Variants in ABHD10 observed in about 807,000 individuals in gnomAD.
ABHD10 encodes the protein palmitoyl-protein thioesterase ABHD10, mitochondrial.
ABHD10 carries 22 observed loss-of-function variants against 33.1 expected under a neutral mutation model. That is an observed-to-expected ratio of 0.66 (90% CI 0.47 to 0.95). ABHD10 has a LOEUF of 0.95. Ranked by LOEUF, ABHD10 falls within the 40% of genes least tolerant of loss-of-function variation. The pLI, the probability that ABHD10 is intolerant of heterozygous loss-of-function variation, is 0.00. For synonymous variants in ABHD10, 146 were observed against 133.9 expected (o/e 1.09, Z -0.62); for missense variants, 352 against 379.9 (o/e 0.93, Z 0.61).
At chr3:111,989,000 ATACT>A (rs886132251) in intron 4 of ABHD10, among the ~76,000 whole-genome samples, 8 of 152,292 alleles carry the variant, frequency 5.3e-5, no homozygotes, top group African/African-American at 7.2e-5. Flanking sequence ...TTTTTTGCTA[ATACT>A]TACTCAGATA....
rs763117664 is a variant in ABHD10, at chr3:111,991,534, A to G, written c.734A>G (p.His245Arg). ...IPVNCPIRLL[H>R]GMKDDIVPWH... is the part of the protein sequence containing the mutation. ...GTGAACTGCCCCATAAGATTGCTCC[A>G]TGGCATGAAGGATGACATTGTACCT... Residue 245 changes from histidine to arginine, a missense_variant, in exon 5 of 5, where the codon CAT becomes CGT. Transcript: ENST00000273359. 1.2e-6 allele frequency: 2 copies of G among 1,614,114 alleles called. No homozygotes were observed. Among genetic ancestry groups the G allele is most frequent in the South Asian group, 1.1e-5 (1 of 91,082 alleles).
At chr3:111,979,260 C>T in intron 1 of ABHD10, 57 bp downstream of exon 1, 8 of 1,541,662 alleles carry the variant, frequency 5.2e-6, no homozygotes, top group Non-Finnish European at 7.0e-6. Context: ...CGGGTTCCGT[C>T]AGTTACCGTG....
intron 1 of ABHD10, among the ~76,000 whole-genome samples, chr3:111,980,012 T>C (rs1206347057): frequency 3.9e-5 from 6 of 152,256 alleles, no homozygotes; most frequent in African/African-American, 1.4e-4. Flanking sequence ...GTATGTCAAT[T>C]CATTAACCAG....
chr3:111,980,648 A>C (rs570502474), intron 1 of ABHD10, among the ~76,000 whole-genome samples: 30 of 152,188 alleles, frequency 2.0e-4, no homozygotes, highest in Non-Finnish European at 4.3e-4. Context: ...GAAAAAGATG[A>C]AGTAGGATAA....
In ABHD10 at chr3:111,981,778, G is replaced by T; in HGVS notation, c.143-6G>T. On this transcript the variant is annotated splice_polypyrimidine_tract_variant and splice_region_variant and intron_variant, in intron 1 of 4. Transcript: ENST00000273359. ...CCATAGTTTACTTTTTGTGTACTTT[G>T]TTTAGCTTGTAGACAAAAGACGTCA... 1 of 1,533,244 alleles carries T rather than the reference G, an allele frequency of 6.5e-7. No homozygotes were observed. Among genetic ancestry groups the T allele is most frequent in the South Asian group, 1.3e-5 (1 of 78,338 alleles). 95.0% of individuals were successfully genotyped at this position (1,533,244 alleles called of 1,614,324 possible).
intron 1 of ABHD10, among the ~76,000 whole-genome samples, chr3:111,979,825 C>T (rs1369583360): frequency 6.6e-6 from 1 of 152,214 alleles, no homozygotes; most frequent in Non-Finnish European, 1.5e-5. Context: ...CACACCATTG[C>T]CACGTAGCTG....
chr3:111,987,863 C>T (rs2072688921), intron 4 of ABHD10, among the ~76,000 whole-genome samples: 1 of 152,136 alleles, frequency 6.6e-6, no homozygotes, highest in Non-Finnish European at 1.5e-5. Context: ...CAGATATTGT[C>T]AGTCAGAGTG....
rs1559934340 is a variant in ABHD10 at position 111,979,079 on chromosome 3, G to C, written c.18G>C (p.Leu6Phe). MAVAR[L>F]AAVAAWVPCR... ...CTACGAAGATGGCGGTTGCGCGCTT[G>C]GCAGCTGTGGCGGCCTGGGTACCTT... Residue 6 changes from leucine (L) to phenylalanine (F), a missense_variant, in exon 1 of 5, where the codon TTG becomes TTC. Transcript: ENST00000273359. 6.2e-7 allele frequency: 1 copy of C among 1,613,312 alleles called. No homozygotes were observed. The highest frequency in any genetic ancestry group is 8.5e-7 in the Non-Finnish European group (1 of 1,179,720).
intron 1 of ABHD10, among the ~76,000 whole-genome samples, chr3:111,979,530 A>C (rs2072552200): frequency 6.6e-6 from 1 of 152,222 alleles, no homozygotes; most frequent in Non-Finnish European, 1.5e-5. Context: ...CATTATTATT[A>C]GTTACTTCTA....
At chr3:111,990,428 C>T (rs2072725267) in intron 4 of ABHD10, among the ~76,000 whole-genome samples, 2 of 151,870 alleles carry the variant, frequency 1.3e-5, no homozygotes, top group South Asian at 2.1e-4. Context: ...AATGGTTTTT[C>T]TCTCCATAAG....
Position 111,979,208 on chromosome 3 carries a change from G to A in ABHD10, c.142+5G>A. 6.3e-7 allele frequency: 1 copy of A among 1,593,882 alleles called. No homozygotes were observed. The highest frequency in any genetic ancestry group is 8.6e-7 in the Non-Finnish European group (1 of 1,166,080). ...GGGCGCCACGGTGGCTCCCAGGTCA[G>A]TGTCCGAAAGGCGGGAGTAGGATGC... On this transcript the variant is annotated splice_donor_5th_base_variant and intron_variant, in intron 1 of 4. Coordinates refer to ENST00000273359, the MANE Select transcript of ABHD10 (RefSeq NM_018394.4).
intron 3 of ABHD10, among the ~76,000 whole-genome samples, chr3:111,986,629 G>T (rs2072666472): frequency 1.3e-5 from 2 of 152,070 alleles, no homozygotes; most frequent in South Asian, 2.1e-4. Context: ...TAGAGATGGG[G>T]TTTCACCGTG....
rs1394626240 is a variant in ABHD10 at position 111,991,684 on chromosome 3, A to C, written c.884A>C (p.Asp295Ala). ...ATTCAACTTCTTGTTTACACTATTG[A>C]TGACTTAATTGATAAGCTCTCAACT... ...ADIQLLVYTI[D>A]DLIDKLSTIV... Residue 295 changes from aspartate (D) to alanine (A), a missense_variant, in exon 5 of 5, where the codon GAT becomes GCT. Transcript: ENST00000273359. 1.2e-6 allele frequency: 2 copies of C among 1,613,896 alleles called. No homozygotes were observed. Among genetic ancestry groups the C allele is most frequent in the Non-Finnish European group, 1.7e-6 (2 of 1,179,874 alleles).
In ABHD10 at chr3:111,993,199, C is replaced by A. The variant is rs1194773227; in HGVS notation, c.*1478C>A. ...TGACAGTGTTTCACAAGTGCTGTTACAACTGGTTGCTGGGAGAATTAAGCT... is the reference window on the plus strand; with the variant it reads ...TGACAGTGTTTCACAAGTGCTGTTAAAACTGGTTGCTGGGAGAATTAAGCT... On this transcript the variant is annotated 3_prime_UTR_variant, in exon 5 of 5. Coordinates refer to ENST00000273359, the MANE Select transcript of ABHD10 (RefSeq NM_018394.4). 2 of 152,202 alleles carry A rather than the reference C, an allele frequency of 1.3e-5. No individual in the cohort carries two copies. The highest frequency in any genetic ancestry group is 2.4e-5 in the African/African-American group (1 of 41,440). The allele number at this position is 152,202 out of a possible 1,614,324, so 9.4% of individuals were successfully genotyped here. A position where few individuals can be genotyped will look rare whatever the true frequency, so the allele number is the denominator to read the frequency against.
chr3:111,990,871 G>T (rs909098786), intron 4 of ABHD10: 10 of 449,984 alleles, frequency 2.2e-5, no homozygotes, highest in Middle Eastern at 3.3e-4. Flanking sequence ...GCACTTTTAG[G>T]TTTACAATTT....
At chr3:111,984,752 A>T (rs2072632546) in intron 2 of ABHD10, among the ~76,000 whole-genome samples, 1 of 152,210 alleles carries the variant, frequency 6.6e-6, no homozygotes, top group Admixed American at 6.5e-5. Flanking sequence ...TAGTGACTCT[A>T]TTTAAAGACA....
intron 4 of ABHD10, among the ~76,000 whole-genome samples, chr3:111,988,804 G>A (rs138916727): frequency 3.3e-5 from 5 of 152,062 alleles, no homozygotes; most frequent in African/African-American, 7.2e-5. Flanking sequence ...TGCCCAGGCC[G>A]GTCTTGAACT....
chr3:111,991,599 A>G lies in ABHD10; in HGVS notation c.799A>G (p.Thr267Ala). ...GCAGGTTGCCGATCGAGTACTCAGCACAGATGTGGATGTCATCCTCCGAAA... is the reference window on the plus strand; with the variant it reads ...GCAGGTTGCCGATCGAGTACTCAGCGCAGATGTGGATGTCATCCTCCGAAA... The part of the protein sequence containing the change: ...SMQVADRVLS[T>A]DVDVILRKHS... Residue 267 changes from threonine (T) to alanine (A), a missense_variant, in exon 5 of 5, where the codon ACA (threonine) becomes GCA (alanine). Physicochemically the swap from Thr to Ala is moderately conservative, Grantham distance 58. Coordinates refer to ENST00000273359, the MANE Select transcript of ABHD10 (RefSeq NM_018394.4). The G allele has an allele frequency of 6.2e-7, 1 of 1,614,150 alleles. No homozygotes were observed.
intron 2 of ABHD10, among the ~76,000 whole-genome samples, chr3:111,984,956 C>CT (rs2072635986): frequency 6.6e-6 from 1 of 152,226 alleles, no homozygotes; most frequent in African/African-American, 2.4e-5. Context: ...ATAAAACAGC[C>CT]TCCTCTTAAG....
Sources: allele counts gnomAD v4.1 joint callset (sites outside exome capture counted in the v4.1 genomes callset), GRCh38; gene constraint gnomAD v4.1.1; transcripts MANE v1.5; gene names NCBI Gene and HGNC (gene_info 2026-07-23, HGNC 2026-07-21).